The following NAB1 variants were observed in gnomAD, a reference collection of about 807,000 sequenced individuals.
The protein encoded by NAB1 is NGFI-A-binding protein 1.
Under a neutral mutation model 49.9 loss-of-function variants are expected in NAB1, and 25 were observed. The observed-to-expected ratio is 0.50, with a 90% CI of 0.37 to 0.70. The LOEUF (loss-of-function observed/expected upper bound fraction) is 0.70. Among genes scored for constraint, NAB1 ranks in the 30% least tolerant of loss-of-function variants. NAB1 has a pLI of 0.00. For synonymous variants in NAB1, 198 were observed against 215.6 expected (o/e 0.92, Z 0.71); for missense variants, 489 against 575.9 (o/e 0.85, Z 1.54).
In NAB1 at chr2:190,685,482, G is replaced by A. The variant is rs1261527622; in HGVS notation, c.1102G>A (p.Glu368Lys). The A allele has an allele frequency of 6.8e-6, 11 of 1,607,422 alleles. No homozygotes were observed. Among genetic ancestry groups the A allele is most frequent in the Non-Finnish European group, 9.3e-6 (11 of 1,177,910 alleles). ...TTTTTGCTTTACTTACTAGCAGCCT[G>A]AAAAGGTGATGGCAAAGCAGATGGA... ...ELAALSSQQP[E>K]KVMAKQMEFL... Residue 368 changes from glutamate to lysine, a missense_variant, in exon 8 of 10, where the codon GAA becomes AAA. By Grantham distance (56) the Glu-to-Lys change is moderately conservative. This residue lies in a region of NAB1 where 212 missense variants were observed against 199.3 expected (regional missense o/e 1.06). Coordinates refer to ENST00000337386, the MANE Select transcript of NAB1 (RefSeq NM_005966.4). The surrounding 1 kb of genome is among the most constrained non-coding windows in gnomAD (Gnocchi z 4.5).
chr2:190,672,445 T>TTA (rs1484982344), intron 5 of NAB1, among the ~76,000 whole-genome samples: 12 of 151,924 alleles, frequency 7.9e-5, no homozygotes, highest in Admixed American at 2.6e-4. Context: ...GAGCATCATT[T>TTA]TATATATATA....
chr2:190,660,563 T>C (rs1694170658), intron 4 of NAB1, among the ~76,000 whole-genome samples: 1 of 152,226 alleles, frequency 6.6e-6, no homozygotes, highest in South Asian at 2.1e-4. Context: ...TATGTGTGTA[T>C]AGATATAACA....
At chr2:190,673,393 G>T (rs773466030) in intron 6 of NAB1, among the ~76,000 whole-genome samples, 1 of 151,960 alleles carries the variant, frequency 6.6e-6, no homozygotes, top group African/African-American at 2.4e-5. Flanking sequence ...ATGTGGTCTC[G>T]CTATGTTGCC....
At chr2:190,661,335 T>C (rs1318128597) in intron 4 of NAB1, among the ~76,000 whole-genome samples, 1 of 152,226 alleles carries the variant, frequency 6.6e-6, no homozygotes, top group Non-Finnish European at 1.5e-5. Context: ...ACTTGATCTA[T>C]TTTGGGAGTA....
At position 190,675,648 on chromosome 2, in the gene NAB1, A is replaced by G. The variant is rs1034986772; in HGVS notation, c.1005+2496A>G. ...GAATAACTCTTCTAACCCTTCCTAA[A>G]TAAGACAAGCGACAATCGGCCCCAG... On this transcript the variant is annotated intron_variant, in intron 6 of 9. Coordinates refer to ENST00000337386, the MANE Select transcript of NAB1 (RefSeq NM_005966.4). This position sits in a 1 kb window ranked among gnomAD's most constrained non-coding sequence, Gnocchi z 5.2. Among the ~76,000 whole-genome samples, 2 of 152,220 alleles carry G rather than the reference A, an allele frequency of 1.3e-5. No individual in the cohort carries two copies. The highest frequency in any genetic ancestry group is 2.4e-5 in the African/African-American group (1 of 41,456).
At position 190,670,950 on chromosome 2, in the gene NAB1, G is replaced by C. The variant is rs1464882438; in HGVS notation, c.953+491G>C. Among the ~76,000 whole-genome samples the C allele has an allele frequency of 6.6e-6, 1 of 152,178 alleles. No individual in the cohort carries two copies. The highest frequency in any genetic ancestry group is 1.5e-5 in the Non-Finnish European group (1 of 68,028). Reference sequence around the variant, plus strand: ...TTCTATTACTAGCACATGGGTTATGGAACACAAGTTTGAAATAAAACGTGA... The same window carrying C: ...TTCTATTACTAGCACATGGGTTATGCAACACAAGTTTGAAATAAAACGTGA... On this transcript the variant is annotated intron_variant, in intron 5 of 9. Transcript: ENST00000337386. This position sits in a 1 kb window ranked among gnomAD's most constrained non-coding sequence, Gnocchi z 5.3.
chr2:190,685,550 C>A lies in NAB1; in HGVS notation c.1170C>A (p.Ala390=). 1 of 1,613,940 alleles carries A rather than the reference C, an allele frequency of 6.2e-7. No individual in the cohort carries two copies. Among genetic ancestry groups the A allele is most frequent in the Non-Finnish European group, 8.5e-7 (1 of 1,179,948 alleles). ...NQAGYERLQH[A]ERRLSAGLYR... is the part of the protein sequence containing the mutation. ...CTGGCTATGAGAGACTGCAGCATGCCGAGAGGAGGTTGTCTGCAGGGCTTT... is the reference window on the plus strand; with the variant it reads ...CTGGCTATGAGAGACTGCAGCATGCAGAGAGGAGGTTGTCTGCAGGGCTTT... The change falls in exon 8 of 10, where the codon GCC becomes GCA. Residue 390 remains alanine, a synonymous_variant. Coordinates refer to ENST00000337386, the MANE Select transcript of NAB1 (RefSeq NM_005966.4). The surrounding 1 kb of genome is among the most constrained non-coding windows in gnomAD (Gnocchi z 4.5).
At chr2:190,650,145 A>G (rs1340142059) in intron 2 of NAB1, among the ~76,000 whole-genome samples, 163 bp downstream of exon 2, 2 of 152,158 alleles carry the variant, frequency 1.3e-5, no homozygotes, top group East Asian at 1.9e-4. Context: ...TGGAATATAC[A>G]TTTGTCGATT....
rs767640681 is a variant in NAB1 at position 190,683,297 on chromosome 2, ATTTTTTTTTTTTTT to A, written c.1006-426_1006-413del. On this transcript the variant is annotated intron_variant, in intron 6 of 9. Coordinates refer to ENST00000337386, the MANE Select transcript of NAB1 (RefSeq NM_005966.4). ...TGGCGTGTGCTACCACTCCCAGCTA[ATTTTTTTTTTTTTT>A]TTTTTTTTTTTTTTAGTAGAGATGG... is the stretch of plus-strand genomic sequence containing the variant. Among the ~76,000 whole-genome samples, 12 of 76,142 alleles carry A rather than the reference ATTTTTTTTTTTTTT, an allele frequency of 1.6e-4. No individual in the cohort carries two copies. In the East Asian group the frequency reaches 1.8e-3, roughly 11 times the overall value. 50.0% of individuals were successfully genotyped at this position (76,142 alleles called of 152,430 possible).
At position 190,649,141 on chromosome 2, in the gene NAB1, G is replaced by T; in HGVS notation, c.-553G>T. 7.0e-6 allele frequency: 1 copy of T among 143,300 alleles called. No individual in the cohort carries two copies. The highest frequency in any genetic ancestry group is 1.9e-4 in the South Asian group (1 of 5,142). 8.9% of individuals were successfully genotyped at this position (143,300 alleles called of 1,614,324 possible). Reference sequence around the variant, plus strand: ...GCCGCCGCCGCCGCCGCGGCCAAGCGAGCGCCGTCGGGGCGGGTGGGCGGG... The same window carrying T: ...GCCGCCGCCGCCGCCGCGGCCAAGCTAGCGCCGTCGGGGCGGGTGGGCGGG... On this transcript the variant is annotated 5_prime_UTR_variant, in exon 1 of 10. Transcript: ENST00000337386. The surrounding 1 kb of genome is among the most constrained non-coding windows in gnomAD (Gnocchi z 6.1).
rs1693833399 is a variant in NAB1 at position 190,654,693 on chromosome 2, A to C, written c.-196-1284A>C. On this transcript the variant is annotated intron_variant, in intron 2 of 9. Coordinates refer to ENST00000337386, the MANE Select transcript of NAB1 (RefSeq NM_005966.4). The surrounding 1 kb of genome is among the most constrained non-coding windows in gnomAD (Gnocchi z 5.6). ...AAGTTCGCAAATCTGTAAACTTGGC[A>C]TTGCAGTGTGGGATCTATTGAAGGT... 6.6e-6 allele frequency among the ~76,000 whole-genome samples: 1 copy of C among 152,178 alleles called. No individual in the cohort carries two copies. Among genetic ancestry groups the C allele is most frequent in the South Asian group, 2.1e-4 (1 of 4,830 alleles).
At chr2:190,683,636 A>T in intron 6 of NAB1, 102 bp from the exon 7 acceptor site, 1 of 713,892 alleles carries the variant, frequency 1.4e-6, no homozygotes, top group Non-Finnish European at 2.3e-6. Flanking sequence ...AATCATGATT[A>T]TTCAGGTAGT....
Position 190,667,251 on chromosome 2 carries a change from G to T in NAB1, c.820-3075G>T, listed in dbSNP as rs1233806599. 6.6e-6 allele frequency among the ~76,000 whole-genome samples: 1 copy of T among 152,158 alleles called. No individual in the cohort carries two copies. Among genetic ancestry groups the T allele is most frequent in the African/African-American group, 2.4e-5 (1 of 41,430 alleles). The stretch of plus-strand genomic sequence containing the variant: ...AAGGAATACTAGAATATTGTTTTCA[G>T]TTTATGTTGAAAAGTTATTTTCTGT... On this transcript the variant is annotated intron_variant, in intron 4 of 9. Transcript: ENST00000337386. The surrounding 1 kb of genome is among the most constrained non-coding windows in gnomAD (Gnocchi z 4.4).
rs528425461 is a variant in NAB1 at position 190,674,874 on chromosome 2, G to A, written c.1005+1722G>A. Among the ~76,000 whole-genome samples the A allele has an allele frequency of 6.6e-6, 1 of 152,240 alleles. No individual in the cohort carries two copies. The highest frequency in any genetic ancestry group is 6.5e-5 in the Admixed American group (1 of 15,300). Reference sequence around the variant, plus strand: ...GAGACCAGCCTGGGCAACATGGGGAGACCCTGTCTCTACCCCCAAAAAAGT... The same window carrying A: ...GAGACCAGCCTGGGCAACATGGGGAAACCCTGTCTCTACCCCCAAAAAAGT... On this transcript the variant is annotated intron_variant, in intron 6 of 9. Transcript: ENST00000337386. The surrounding 1 kb of genome is among the most constrained non-coding windows in gnomAD (Gnocchi z 5.7).
chr2:190,659,258 G>A lies in NAB1; in HGVS notation c.82G>A (p.Asp28Asn). 1 of 1,612,298 alleles carries A rather than the reference G, an allele frequency of 6.2e-7. No homozygotes were observed. Among genetic ancestry groups the A allele is most frequent in the Non-Finnish European group, 8.5e-7 (1 of 1,179,782 alleles). The change falls in exon 4 of 10, where the codon GAT becomes AAT. Residue 28 changes from aspartate to asparagine, a missense_variant. Transcript: ENST00000337386. The surrounding 1 kb of genome is among the most constrained non-coding windows in gnomAD (Gnocchi z 6.2). ...LQKANLLSYF[D>N]AFIQQGGDDV... ...AAAAGCCAATCTACTTTCTTATTTT[G>A]ATGCCTTTATCCAACAAGGTGGTGA...
rs1220222881 is a variant in NAB1 at position 190,674,440 on chromosome 2, C to T, written c.1005+1288C>T. Reference sequence around the variant, plus strand: ...GCCTCCCTTTCTAAAGGGGCACCCTCTCCCCAAAATCACACTCAGGCTTAT... The same window carrying T: ...GCCTCCCTTTCTAAAGGGGCACCCTTTCCCCAAAATCACACTCAGGCTTAT... On this transcript the variant is annotated intron_variant, in intron 6 of 9. Transcript: ENST00000337386. This position sits in a 1 kb window ranked among gnomAD's most constrained non-coding sequence, Gnocchi z 5.7. Among the ~76,000 whole-genome samples the T allele has an allele frequency of 1.3e-5, 2 of 152,156 alleles. No homozygotes were observed. Among genetic ancestry groups the T allele is most frequent in the East Asian group, 3.9e-4 (2 of 5,190 alleles).
chr2:190,685,741 T>G lies in NAB1; in HGVS notation c.1258+103T>G. The stretch of plus-strand genomic sequence containing the variant: ...TTAAATTATGATATTTTGTAGAGAT[T>G]ATTTTACAGGTTCTCTTATCAAAAT... On this transcript the variant is annotated intron_variant, in intron 8 of 9. Coordinates refer to ENST00000337386, the MANE Select transcript of NAB1 (RefSeq NM_005966.4). This position sits in a 1 kb window ranked among gnomAD's most constrained non-coding sequence, Gnocchi z 4.5. The G allele has an allele frequency of 1.1e-6, 1 of 915,996 alleles. No homozygotes were observed. The highest frequency in any genetic ancestry group is 1.5e-6 in the Non-Finnish European group (1 of 674,218). The allele number at this position is 915,996 out of a possible 1,614,324, so 56.7% of individuals were successfully genotyped here. A position where few individuals can be genotyped will look rare whatever the true frequency, so the allele number is the denominator to read the frequency against.
At chr2:190,653,440 CAG>C (rs1350751586) in intron 2 of NAB1, among the ~76,000 whole-genome samples, 1 of 152,176 alleles carries the variant, frequency 6.6e-6, no homozygotes, top group Admixed American at 6.5e-5. Context: ...GCTATTAACT[CAG>C]ATAATTTTAA....
In NAB1 at chr2:190,692,142, C is replaced by G. The variant is rs960526039; in HGVS notation, c.*1809C>G. 45 of 152,612 alleles carry G rather than the reference C, an allele frequency of 2.9e-4. No individual in the cohort carries two copies. The highest frequency in any genetic ancestry group is 1.0e-3 in the African/African-American group (43 of 41,526). 9.5% of individuals were successfully genotyped at this position (152,612 alleles called of 1,614,324 possible). On this transcript the variant is annotated 3_prime_UTR_variant, in exon 10 of 10. Transcript: ENST00000337386. The surrounding 1 kb of genome is among the most constrained non-coding windows in gnomAD (Gnocchi z 5.2). Reference sequence around the variant, plus strand: ...ATGAGTACGATTTCAATAGACTGTTCAGTTTTTAATATTAGCCATAGCACT... The same window carrying G: ...ATGAGTACGATTTCAATAGACTGTTGAGTTTTTAATATTAGCCATAGCACT...
Sources: gnomAD v4.1 joint callset for allele counts (sites outside exome capture counted in the v4.1 genomes callset) on GRCh38, gnomAD v4.1.1 for gene constraint, gnomAD v4.1.1 regional missense constraint, Gnocchi (gnomAD v3.1) non-coding constraint, MANE v1.5 for transcripts, NCBI Gene and HGNC (gene_info 2026-07-23, HGNC 2026-07-21) for gene names.